CREBL2: variants seen among roughly 807,000 people sequenced by gnomAD.
CREBL2 encodes cAMP-responsive element-binding protein-like 2.
Under a neutral mutation model 19.5 loss-of-function variants are expected in CREBL2, and 4 were observed. That is an observed-to-expected ratio of 0.20 (90% CI 0.10 to 0.47). The LOEUF (loss-of-function observed/expected upper bound fraction) is 0.47. Among genes scored for constraint, CREBL2 ranks in the 20% least tolerant of loss-of-function variants. The pLI is 0.98. For synonymous variants in CREBL2, 42 were observed against 46.6 expected, an observed-to-expected ratio of 0.90 and a Z score of 0.40; for missense variants, 85 against 145.1, an observed-to-expected ratio of 0.59 and a Z score of 2.13.
At chr12:12,621,001 A>T (rs1346970680) in intron 1 of CREBL2, among the ~76,000 whole-genome samples, 2 of 152,208 alleles carry the variant, frequency 1.3e-5, no homozygotes, top group African/African-American at 2.4e-5. Context: ...AAAGAACTGG[A>T]GTCCCCTCCA....
At chr12:12,620,211 T>A (rs1945349256) in intron 1 of CREBL2, among the ~76,000 whole-genome samples, 1 of 150,806 alleles carries the variant, frequency 6.6e-6, no homozygotes, top group African/African-American at 2.4e-5. Flanking sequence ...CAGTAGACAT[T>A]AATGTGCTTG....
intron 3 of CREBL2, among the ~76,000 whole-genome samples, chr12:12,640,645 T>C (rs1339654749): frequency 2.0e-5 from 3 of 152,170 alleles, no homozygotes; most frequent in East Asian, 3.8e-4. Flanking sequence ...ATAAAAGTAT[T>C]ATTTGGGAGC....
chr12:12,641,253 A>ATTATTATTATTTTTTTTTTT (rs1478394376), intron 3 of CREBL2, among the ~76,000 whole-genome samples: 2 of 78,258 alleles, frequency 2.6e-5, no homozygotes, highest in East Asian at 3.0e-4. Flanking sequence ...TATTATTATT[A>ATTATTATTATTTTTTTTTTT]TTTTTTTTTA....
At chr12:12,618,096 T>C (rs923059718) in intron 1 of CREBL2, among the ~76,000 whole-genome samples, 1 of 152,210 alleles carries the variant, frequency 6.6e-6, no homozygotes, top group African/African-American at 2.4e-5. Flanking sequence ...AACAATCTGA[T>C]CTCTTTCTTT....
At chr12:12,634,218 G>A (rs979992562) in intron 1 of CREBL2, among the ~76,000 whole-genome samples, 11 of 152,232 alleles carry the variant, frequency 7.2e-5, no homozygotes, top group African/African-American at 9.6e-5. Flanking sequence ...CTTACTTGAT[G>A]TGTAAGTTCA....
rs1285450116 is a variant in CREBL2, at chr12:12,642,207, G to C, written c.*209G>C. On this transcript the variant is annotated 3_prime_UTR_variant, in exon 4 of 4. Transcript: ENST00000228865. Reference sequence around the variant, plus strand: ...CACTTAGAAAATCTACAAACATTCAGACCTGTCTGGGTTGGTATTGCCACC... The same window carrying C: ...CACTTAGAAAATCTACAAACATTCACACCTGTCTGGGTTGGTATTGCCACC... 5.0e-6 allele frequency: 2 copies of C among 403,138 alleles called. No homozygotes were observed. Among genetic ancestry groups the C allele is most frequent in the Non-Finnish European group, 8.9e-6 (2 of 225,432 alleles). 25.0% of individuals were successfully genotyped at this position (403,138 alleles called of 1,614,324 possible). A position where few individuals can be genotyped will look rare whatever the true frequency, so the allele number is the denominator to read the frequency against.
chr12:12,627,909 G>A (rs542285396), intron 1 of CREBL2, among the ~76,000 whole-genome samples: 10 of 151,810 alleles, frequency 6.6e-5, no homozygotes, highest in South Asian at 2.1e-4. Context: ...TTTTTGAGAC[G>A]GAGTCTCACT....
chr12:12,623,058 A>G (rs1945372080), intron 1 of CREBL2, among the ~76,000 whole-genome samples: 1 of 149,586 alleles, frequency 6.7e-6, no homozygotes, highest in South Asian at 2.1e-4. Flanking sequence ...TGCTTTTCAG[A>G]TTTTACATCC....
intron 1 of CREBL2, among the ~76,000 whole-genome samples, chr12:12,623,524 G>A (rs1945376920): frequency 6.6e-6 from 1 of 152,168 alleles, no homozygotes; most frequent in Non-Finnish European, 1.5e-5. Context: ...TGGGAGGATA[G>A]AGGGAAAATA....
intron 1 of CREBL2, among the ~76,000 whole-genome samples, chr12:12,632,895 T>A (rs761469235): frequency 1.3e-5 from 2 of 150,150 alleles, no homozygotes; most frequent in African/African-American, 4.9e-5. Context: ...TTCATTATTT[T>A]TATATATATA....
chr12:12,635,962 G>A lies in CREBL2; in HGVS notation c.201G>A (p.Glu67=), dbSNP rs1159650033. 6.2e-7 allele frequency: 1 copy of A among 1,613,248 alleles called. No homozygotes were observed. The highest frequency in any genetic ancestry group is 2.2e-5 in the East Asian group (1 of 44,878). The change falls in exon 2 of 4, where the codon GAG becomes GAA. Residue 67 remains glutamate, a synonymous_variant. Transcript: ENST00000228865. ...SRERAICALR[E]ELEMYKQWCM... is the part of the protein sequence containing the mutation. ...AAAGAGCTATATGTGCCCTCAGAGA[G>A]GAACTGGAAATGGTAAGAAATCGTC...
At chr12:12,638,071 G>A (rs765247087) in intron 3 of CREBL2, among the ~76,000 whole-genome samples, 1 of 152,102 alleles carries the variant, frequency 6.6e-6, no homozygotes, top group Non-Finnish European at 1.5e-5. Flanking sequence ...TAGGGTTTCT[G>A]TTGACCACTT....
intron 1 of CREBL2, among the ~76,000 whole-genome samples, chr12:12,612,865 C>G (rs1945279096): frequency 6.6e-6 from 1 of 152,062 alleles, no homozygotes; most frequent in East Asian, 1.9e-4. Context: ...CTATGTATAG[C>G]CTTTTTGTCT....
chr12:12,633,845 A>G lies in CREBL2; in HGVS notation c.16-1932A>G, dbSNP rs531246133. ...AGATATTGACCCTTTGAGTTTTGCT[A>G]TCTGGGAAGGCACCTACATTTATTC... is the stretch of plus-strand genomic sequence containing the variant. On this transcript the variant is annotated intron_variant, in intron 1 of 3. Coordinates refer to ENST00000228865, the MANE Select transcript of CREBL2 (RefSeq NM_001310.4). 7.2e-5 allele frequency among the ~76,000 whole-genome samples: 11 copies of G among 152,350 alleles called. No homozygotes were observed. The South Asian group carries it at 2.3e-3, about 32-fold the overall frequency.
In CREBL2 at chr12:12,644,879, A is replaced by G. The variant is rs879791874; in HGVS notation, c.*2881A>G. 2 of 152,220 alleles carry G rather than the reference A, an allele frequency of 1.3e-5. No homozygotes were observed. The highest frequency in any genetic ancestry group is 6.5e-5 in the Admixed American group (1 of 15,274). 9.4% of individuals were successfully genotyped at this position (152,220 alleles called of 1,614,324 possible). A position where few individuals can be genotyped will look rare whatever the true frequency, so the allele number is the denominator to read the frequency against. ...GAAAATCTAAAAACATAAATGTTAT[A>G]TTTCACAAGAAATCAGTTGCATATT... On this transcript the variant is annotated 3_prime_UTR_variant, in exon 4 of 4. Coordinates refer to ENST00000228865, the MANE Select transcript of CREBL2 (RefSeq NM_001310.4).
chr12:12,638,251 G>C (rs1252149342), intron 3 of CREBL2, among the ~76,000 whole-genome samples: 1 of 152,076 alleles, frequency 6.6e-6, no homozygotes, highest in African/African-American at 2.4e-5. Flanking sequence ...GATCACCCTG[G>C]CCAACATGGT....
At chr12:12,634,543 CAT>C (rs1430239003) in intron 1 of CREBL2, among the ~76,000 whole-genome samples, 2 of 152,058 alleles carry the variant, frequency 1.3e-5, no homozygotes, top group African/African-American at 4.8e-5. Context: ...ATTTTATACA[CAT>C]ATTTTATATT....
chr12:12,628,246 C>A (rs1387109048), intron 1 of CREBL2, among the ~76,000 whole-genome samples: 1 of 152,122 alleles, frequency 6.6e-6, no homozygotes, highest in Non-Finnish European at 1.5e-5. Context: ...GGTTTTCATT[C>A]ACATTTCCCT....
intron 1 of CREBL2, chr12:12,614,663 CT>C: frequency 1.2e-4 from 35 of 290,108 alleles, no homozygotes; most frequent in Non-Finnish European, 1.3e-4. Flanking sequence ...GTCTCACTGG[CT>C]TTTTTTTCTG....
Sources: allele counts gnomAD v4.1 joint callset (sites outside exome capture counted in the v4.1 genomes callset), GRCh38; gene constraint gnomAD v4.1.1; transcripts MANE v1.5; gene names NCBI Gene and HGNC (gene_info 2026-07-23, HGNC 2026-07-21).